The following VWF variants were observed in gnomAD, a reference collection of about 807,000 sequenced individuals.
The protein encoded by VWF is Factor VIII related antigen.
A neutral mutation model predicts 308.6 loss-of-function variants in VWF; 176 were observed. The observed-to-expected ratio is 0.57, with a 90% CI of 0.50 to 0.65. The LOEUF (loss-of-function observed/expected upper bound fraction) is 0.65, where lower values mean the gene tolerates loss of function less well. Ranked by LOEUF, VWF falls within the 30% of genes least tolerant of loss-of-function variation. VWF has a pLI of 0.00. For missense variants in VWF, 3,146 were observed against 3,648.2 expected, an observed-to-expected ratio of 0.86 and a Z score of 3.55; for synonymous variants, 1,385 against 1,443.4, an observed-to-expected ratio of 0.96 and a Z score of 0.92.
chr12:5,966,532 A>G (rs1275597148), intron 47 of VWF, among the ~76,000 whole-genome samples: 1 of 152,140 alleles, frequency 6.6e-6, no homozygotes, highest in Non-Finnish European at 1.5e-5. Context: ...CAGATGTAGA[A>G]CATCTACCTG....
intron 5 of VWF, among the ~76,000 whole-genome samples, chr12:6,096,478 T>C (rs958868558): frequency 6.6e-6 from 1 of 152,222 alleles, no homozygotes; most frequent in African/African-American, 2.4e-5. Flanking sequence ...TTGGTTTGTA[T>C]TCTTTTTGCT....
In VWF at chr12:5,967,578, C is replaced by A. The variant is rs1161174703; in HGVS notation, c.7795G>T (p.Val2599Leu). Residue 2599 changes from valine to leucine, a missense_variant, in exon 47 of 52, where the codon GTG (valine) becomes TTG (leucine). Around this residue, in one of 3 missense-constraint regions of VWF, gnomAD observed 989 missense variants for 1,117.4 expected, o/e 0.89. Transcript: ENST00000261405. ...ACCATGCAGCGGCAGGTCGTGCACA[C>A]ATCGATCATCACAGTCTTCCCGGGC... ...IGPGKTVMID[V>L]CTTCRCMVQV... The A allele has an allele frequency of 6.2e-7, 1 of 1,614,026 alleles. No homozygotes were observed. The highest frequency in any genetic ancestry group is 1.7e-5 in the Admixed American group (1 of 60,020).
intron 5 of VWF, among the ~76,000 whole-genome samples, chr12:6,105,501 T>A (rs1345915430): frequency 2.0e-5 from 3 of 152,160 alleles, no homozygotes; most frequent in African/African-American, 4.8e-5. Context: ...GTGCTGGGAT[T>A]ACAGGATTAC....
At chr12:6,013,348 T>A (rs1000390373) in intron 32 of VWF, 133 bp downstream of exon 32, 1 of 1,134,738 alleles carries the variant, frequency 8.8e-7, no homozygotes. Flanking sequence ...CTGGTCTATA[T>A]AATAATCTTC....
At chr12:6,065,562 C>T (rs905790400) in intron 10 of VWF, among the ~76,000 whole-genome samples, 1 of 152,238 alleles carries the variant, frequency 6.6e-6, no homozygotes, top group Non-Finnish European at 1.5e-5. Context: ...CAGGAACCCA[C>T]GCTCCTGCTT....
chr12:6,063,031 C>T lies in VWF; in HGVS notation c.1456G>A (p.Val486Met), dbSNP rs372734168. Reference protein sequence around the residue: ...LKGDLRIQHTVTASVRLSYGE... With the variant: ...LKGDLRIQHTMTASVRLSYGE... ...TAGCTGAGGCGCACGGAGGCCGTCA[C>T]TGTATGCTGGATGCGGAGGTCACCT... Residue 486 changes from valine (V) to methionine (M), a missense_variant, in exon 13 of 52, where the codon GTG (valine) becomes ATG (methionine). By Grantham distance (21) the Val-to-Met change is conservative (BLOSUM62 1). Transcript: ENST00000261405. The surrounding 1 kb of genome is among the most constrained non-coding windows in gnomAD (Gnocchi z 4.9). 7 of 1,613,646 alleles carry T rather than the reference C, an allele frequency of 4.3e-6. No individual in the cohort carries two copies. Among genetic ancestry groups the T allele is most frequent in the African/African-American group, 1.3e-5 (1 of 74,944 alleles).
chr12:5,992,117 AG>A, intron 37 of VWF, 99 bp from the exon 38 acceptor site: 1 of 1,196,644 alleles, frequency 8.4e-7, no homozygotes, highest in Non-Finnish European at 1.2e-6. Context: ...CAAACTTGCC[AG>A]GGCAGAGACG....
Position 5,981,905 on chromosome 12 carries a change from C to G in VWF, c.7168G>C (p.Asp2390His). 6.2e-7 allele frequency: 1 copy of G among 1,612,302 alleles called. No individual in the cohort carries two copies. The highest frequency in any genetic ancestry group is 8.5e-7 in the Non-Finnish European group (1 of 1,179,162). The change falls in exon 42 of 52, where the codon GAT (aspartate) becomes CAT (histidine). Residue 2390 changes from aspartate to histidine, a missense_variant. Asp to His is a moderately conservative substitution (Grantham distance 81). Transcript: ENST00000261405. ...LPTLRKTQCCDEYECACNCVN... is the reference protein window; with the variant it reads ...LPTLRKTQCCHEYECACNCVN... ...CAGTTGCAGGCACACTCATACTCATCACAGCACTGGGTCTTCCGAAGGGTG... is the reference window on the plus strand; with the variant it reads ...CAGTTGCAGGCACACTCATACTCATGACAGCACTGGGTCTTCCGAAGGGTG...
At chr12:6,105,332 A>G (rs936834390) in intron 5 of VWF, among the ~76,000 whole-genome samples, 2 of 152,066 alleles carry the variant, frequency 1.3e-5, no homozygotes, top group Non-Finnish European at 2.9e-5. Flanking sequence ...GGGTTCAAGC[A>G]ACTCTCCTGC....
Position 6,056,996 on chromosome 12 carries a change from C to T in VWF, c.1806G>A (p.Leu602=), listed in dbSNP as rs767226175. The change falls in exon 15 of 52, where the codon CTG becomes CTA. Residue 602 remains leucine, a synonymous_variant. Transcript: ENST00000261405. ...CGTAGCGGCAGTTCCGCAGGTAGGG[C>T]AGCGGGCTGACGGCACGATGGCAGG... ...FEACHRAVSP[L]PYLRNCRYDV... is the part of the protein sequence containing the mutation. 2 of 1,546,966 alleles carry T rather than the reference C, an allele frequency of 1.3e-6. No homozygotes were observed. The highest frequency in any genetic ancestry group is 1.2e-5 in the South Asian group (1 of 84,458).
intron 10 of VWF, among the ~76,000 whole-genome samples, chr12:6,066,413 T>G (rs7955850): frequency 0.2 from 30,091 of 152,124 alleles, 4,163 homozygotes; most frequent in African/African-American, 0.37. Context: ...GAAATATATA[T>G]AGAGAGAGAC....
intron 34 of VWF, among the ~76,000 whole-genome samples, chr12:6,006,038 A>G (rs185029092): frequency 6.0e-4 from 92 of 152,354 alleles, no homozygotes; most frequent in African/African-American, 2.1e-3. Flanking sequence ...ACTTATAAAA[A>G]TAACTATCAC....
Position 6,004,619 on chromosome 12 carries a change from A to C in VWF, c.5842+6998T>G, listed in dbSNP as rs1045186241. On this transcript the variant is annotated intron_variant, in intron 34 of 51. Transcript: ENST00000261405. ...TTGCAAATGACAAACCATCATACCC[A>C]GAAAACCCTAGAGAATCCATGATAA... 2.2e-4 allele frequency among the ~76,000 whole-genome samples: 34 copies of C among 152,024 alleles called. 1 individual carries two copies. Among genetic ancestry groups the C allele is most frequent in the African/African-American group, 7.2e-4 (30 of 41,446 alleles).
intron 15 of VWF, 124 bp downstream of exon 15, chr12:6,056,733 G>C (rs1365955213): frequency 2.4e-6 from 2 of 849,088 alleles, no homozygotes; most frequent in Non-Finnish European, 3.2e-6. Context: ...CTCCCCACCC[G>C]TGTTTGTCAC....
At chr12:6,119,975 A>G (rs994741308) in intron 3 of VWF, among the ~76,000 whole-genome samples, 3 of 152,240 alleles carry the variant, frequency 2.0e-5, no homozygotes. Context: ...GAAGGATGGC[A>G]GTGCCCAGAA....
intron 7 of VWF, among the ~76,000 whole-genome samples, chr12:6,074,183 C>T (rs985347881): frequency 2.0e-5 from 3 of 152,086 alleles, no homozygotes; most frequent in East Asian, 3.9e-4. Context: ...AATGCCCCAC[C>T]CAGCACAGGG....
Position 6,016,112 on chromosome 12 carries a change from G to A in VWF, c.5432C>T (p.Ala1811Val), listed in dbSNP as rs1565830221. 2 of 1,614,174 alleles carry A rather than the reference G, an allele frequency of 1.2e-6. No homozygotes were observed. Among genetic ancestry groups the A allele is most frequent in the Non-Finnish European group, 8.5e-7 (1 of 1,180,038 alleles). ...TDVSVDSVDA[A>V]ADAARSNRVT... ...ACTGTTGGACCTGGCGGCATCAGCT[G>A]CTGCATCCACTGAATCCACAGAGAC... Residue 1811 changes from alanine (A) to valine (V), a missense_variant, in exon 31 of 52, where the codon GCA becomes GTA. Ala to Val is a moderately conservative substitution (Grantham distance 64). This residue lies in a region of VWF where 853 missense variants were observed against 1,177.8 expected (regional missense o/e 0.72). Coordinates refer to ENST00000261405, the MANE Select transcript of VWF (RefSeq NM_000552.5).
intron 6 of VWF, among the ~76,000 whole-genome samples, chr12:6,092,488 G>A (rs1367626257): frequency 1.3e-5 from 2 of 151,432 alleles, no homozygotes; most frequent in Non-Finnish European, 2.9e-5. Flanking sequence ...GATTACTGGT[G>A]CACCACCATG....
At position 6,057,081 on chromosome 12, in the gene VWF, C is replaced by A. The variant is rs1944588253; in HGVS notation, c.1730-9G>T. The A allele has an allele frequency of 1.3e-6, 2 of 1,530,896 alleles. No homozygotes were observed. The highest frequency in any genetic ancestry group is 2.0e-5 in the Admixed American group (1 of 50,578). The allele number at this position is 1,530,896 out of a possible 1,614,324, so 94.8% of individuals were successfully genotyped here. The stretch of plus-strand genomic sequence containing the variant: ...CTCCTCGGAGAACCTGGCTGTGGGG[C>A]GAGAGGAGCGAGCCTGGGATGTGGT... On this transcript the variant is annotated splice_polypyrimidine_tract_variant and intron_variant, in intron 14 of 51. Coordinates refer to ENST00000261405, the MANE Select transcript of VWF (RefSeq NM_000552.5).
Sources: gnomAD v4.1 joint callset for allele counts (sites outside exome capture counted in the v4.1 genomes callset) on GRCh38, gnomAD v4.1.1 for gene constraint, gnomAD v4.1.1 regional missense constraint, Gnocchi (gnomAD v3.1) non-coding constraint, MANE v1.5 for transcripts, NCBI Gene and HGNC (gene_info 2026-07-23, HGNC 2026-07-21) for gene names.